Variants in LRRTM4 observed in about 807,000 individuals in gnomAD.
The protein encoded by LRRTM4 is leucine-rich repeat transmembrane neuronal protein 4.
A neutral mutation model predicts 47.6 loss-of-function variants in LRRTM4; 25 were observed. That is an observed-to-expected ratio of 0.53 (90% CI 0.38 to 0.73). The LOEUF (loss-of-function observed/expected upper bound fraction) is 0.73, where lower values mean the gene tolerates loss of function less well. Among genes scored for constraint, LRRTM4 ranks in the 30% least tolerant of loss-of-function variants. The pLI, the probability that LRRTM4 is intolerant of heterozygous loss-of-function variation, is 0.00. For synonymous variants in LRRTM4, 311 were observed against 269.5 expected, an observed-to-expected ratio of 1.15 and a Z score of -1.51; for missense variants, 638 against 713.4, an observed-to-expected ratio of 0.89 and a Z score of 1.20.
chr2:77,213,844 A>G (rs1674363120), intron 3 of LRRTM4, among the ~76,000 whole-genome samples: 1 of 152,124 alleles, frequency 6.6e-6, no homozygotes, highest in South Asian at 2.1e-4. Context: ...CAGCAGGAAG[A>G]AGAGTGCTTC....
intron 3 of LRRTM4, among the ~76,000 whole-genome samples, chr2:77,285,971 T>A (rs966117054): frequency 2.0e-5 from 3 of 152,106 alleles, no homozygotes; most frequent in Non-Finnish European, 4.4e-5. Context: ...AACATTTTCC[T>A]TAAACCCAAT....
At chr2:76,950,458 G>A (rs1675458676) in intron 3 of LRRTM4, among the ~76,000 whole-genome samples, 1 of 151,812 alleles carries the variant, frequency 6.6e-6, no homozygotes, top group African/African-American at 2.4e-5. Flanking sequence ...GCAAAGTAAA[G>A]GGAGTTATTT....
At chr2:76,986,362 A>G (rs1676794672) in intron 3 of LRRTM4, among the ~76,000 whole-genome samples, 1 of 150,528 alleles carries the variant, frequency 6.6e-6, no homozygotes, top group South Asian at 2.1e-4. Context: ...AAAATATACT[A>G]GAGAGATTTC....
intron 3 of LRRTM4, among the ~76,000 whole-genome samples, chr2:76,867,868 T>C (rs1246958042): frequency 6.6e-6 from 1 of 152,138 alleles, no homozygotes; most frequent in African/African-American, 2.4e-5. Flanking sequence ...TTCTTCTCAT[T>C]TTAGTTAGGA....
chr2:77,485,209 G>A (rs921452210), intron 3 of LRRTM4, among the ~76,000 whole-genome samples: 10 of 152,068 alleles, frequency 6.6e-5, no homozygotes, highest in Admixed American at 3.9e-4. Flanking sequence ...TTCAAATGTG[G>A]AGAATAGTAT....
chr2:77,423,384 A>G (rs1433794061), intron 3 of LRRTM4, among the ~76,000 whole-genome samples: 1 of 152,168 alleles, frequency 6.6e-6, no homozygotes, highest in Non-Finnish European at 1.5e-5. Flanking sequence ...TATTACTGAT[A>G]CATGAAGACA....
chr2:77,005,301 C>T (rs1677600464), intron 3 of LRRTM4, among the ~76,000 whole-genome samples: 1 of 152,136 alleles, frequency 6.6e-6, no homozygotes, highest in Non-Finnish European at 1.5e-5. Flanking sequence ...CCTGCCACCA[C>T]ACCCAGCTAA....
intron 3 of LRRTM4, among the ~76,000 whole-genome samples, chr2:77,173,713 T>C (rs1425297551): frequency 6.6e-6 from 1 of 152,166 alleles, no homozygotes; most frequent in African/African-American, 2.4e-5. Flanking sequence ...AAAATCCTCC[T>C]GCCTCAGCCT....
intron 3 of LRRTM4, among the ~76,000 whole-genome samples, chr2:76,873,510 A>ATATATATATATATATATG (rs1672694052): frequency 7.0e-6 from 1 of 142,910 alleles, no homozygotes; most frequent in African/African-American, 2.6e-5. Flanking sequence ...ATGTGTGTAT[A>ATATATATATATATATATG]TATATATATA....
At chr2:76,787,264 T>G (rs1370812482) in intron 3 of LRRTM4, among the ~76,000 whole-genome samples, 1 of 152,186 alleles carries the variant, frequency 6.6e-6, no homozygotes, top group African/African-American at 2.4e-5. Flanking sequence ...TAATTTAGAA[T>G]GCACAATTGG....
chr2:77,501,815 T>C (rs1678579404), intron 3 of LRRTM4, among the ~76,000 whole-genome samples: 1 of 151,238 alleles, frequency 6.6e-6, no homozygotes, highest in African/African-American at 2.4e-5. Flanking sequence ...GAACATAAAA[T>C]ACAGAAATTA....
chr2:77,425,031 T>C (rs986614852), intron 3 of LRRTM4, among the ~76,000 whole-genome samples: 1 of 152,184 alleles, frequency 6.6e-6, no homozygotes, highest in African/African-American at 2.4e-5. Context: ...GCATGGTGTC[T>C]ATTAAAAAAC....
chr2:77,510,368 T>C (rs1246599913), intron 3 of LRRTM4, among the ~76,000 whole-genome samples: 5 of 152,062 alleles, frequency 3.3e-5, no homozygotes, highest in African/African-American at 1.2e-4. Flanking sequence ...GAAATGCAAA[T>C]ATAGAATTTA....
intron 2 of LRRTM4, among the ~76,000 whole-genome samples, chr2:77,520,926 T>A (rs1347051153): frequency 6.6e-6 from 1 of 152,024 alleles, no homozygotes; most frequent in Non-Finnish European, 1.5e-5. Flanking sequence ...AAGAAACAAC[T>A]ACCATGTGTT....
intron 3 of LRRTM4, among the ~76,000 whole-genome samples, chr2:77,419,761 T>A (rs1479869875): frequency 1.3e-5 from 2 of 151,846 alleles, no homozygotes; most frequent in African/African-American, 2.4e-5. Context: ...TTGGGTGGGG[T>A]TTCAAATAAA....
intron 3 of LRRTM4, among the ~76,000 whole-genome samples, chr2:77,275,802 A>G (rs1676329850): frequency 6.6e-6 from 1 of 152,084 alleles, no homozygotes; most frequent in South Asian, 2.1e-4. Flanking sequence ...ACCAAATCAA[A>G]GAGATAAATA....
chr2:77,475,771 G>T (rs910917429), intron 3 of LRRTM4, among the ~76,000 whole-genome samples: 38 of 150,484 alleles, frequency 2.5e-4, no homozygotes, highest in Non-Finnish European at 4.3e-4. Context: ...AAGGTAATTA[G>T]TTTTTGGTGT....
chr2:77,010,501 T>TACACACACACACACAC (rs34456976), intron 3 of LRRTM4, among the ~76,000 whole-genome samples: 7 of 139,834 alleles, frequency 5.0e-5, no homozygotes, highest in African/African-American at 1.6e-4. Context: ...TTGTATTGTT[T>TACACACACACACACAC]ACACACACAC....
chr2:77,313,791 T>G (rs1482986534), intron 3 of LRRTM4, among the ~76,000 whole-genome samples: 1 of 152,130 alleles, frequency 6.6e-6, no homozygotes, highest in Non-Finnish European at 1.5e-5. Flanking sequence ...AAGACAAAGT[T>G]ATTCCTAAAC....
Sources: allele counts gnomAD v4.1 joint callset (sites outside exome capture counted in the v4.1 genomes callset), GRCh38; gene constraint gnomAD v4.1.1; transcripts MANE v1.5; gene names NCBI Gene and HGNC (gene_info 2026-07-23, HGNC 2026-07-21).